The following GANC variants were observed in gnomAD, a reference collection of about 807,000 sequenced individuals.
GANC encodes the protein glucosidase alpha, neutral C, also known as neutral alpha-glucosidase C.
GANC carries 117 observed loss-of-function variants against 124.2 expected under a neutral mutation model. That is an observed-to-expected ratio of 0.94 (90% confidence interval 0.81 to 1.10). The LOEUF (loss-of-function observed/expected upper bound fraction) is 1.10. GANC is among the 50% of genes least tolerant of loss of function. GANC has a pLI of 0.00. For missense variants in GANC, 1,140 were observed against 1,095.0 expected (o/e 1.04, Z -0.58); for synonymous variants, 377 against 376.8 (o/e 1.00, Z -0.01).
rs1408917392 is a variant in GANC at position 42,326,297 on chromosome 15, G to C, written c.1294-1G>C. ...ACCTCCAAACCTTCATGTCCTGACA[G>C]CTTGTGGTCATCAGTGATCCCCACA... On this transcript the variant is annotated splice_acceptor_variant, in intron 11 of 23. Coordinates refer to ENST00000318010, the MANE Select transcript of GANC (RefSeq NM_198141.3). LOFTEE classifies it high-confidence loss of function. 4.4e-6 allele frequency: 7 copies of C among 1,600,468 alleles called. No homozygotes were observed. Among genetic ancestry groups the C allele is most frequent in the Admixed American group, 3.3e-5 (2 of 59,944 alleles).
intron 11 of GANC, among the ~76,000 whole-genome samples, chr15:42,324,807 G>A (rs2052185758): frequency 6.6e-6 from 1 of 152,176 alleles, no homozygotes; most frequent in Non-Finnish European, 1.5e-5. Flanking sequence ...AGGAGGGAAT[G>A]AGAAATCATC....
intron 6 of GANC, among the ~76,000 whole-genome samples, chr15:42,298,382 G>A (rs566642073): frequency 6.6e-6 from 1 of 152,186 alleles, no homozygotes; most frequent in East Asian, 1.9e-4. Flanking sequence ...ACAATTATTT[G>A]TTAAGTACCT....
Position 42,338,463 on chromosome 15 carries a change from A to G in GANC, c.1816A>G (p.Ser606Gly). Residue 606 changes from serine to glycine, a missense_variant, in exon 16 of 24, where the codon AGC becomes GGC. Ser to Gly is a moderately conservative substitution (Grantham distance 56, BLOSUM62 0). Coordinates refer to ENST00000318010, the MANE Select transcript of GANC (RefSeq NM_198141.3). ...KISIPMLLTL[S>G]ITGISFCGAD... ...TTCTATCCCAATGTTACTCACTCTCAGCATTACTGGGATCTCTTTTTGCGG... is the reference window on the plus strand; with the variant it reads ...TTCTATCCCAATGTTACTCACTCTCGGCATTACTGGGATCTCTTTTTGCGG... The G allele has an allele frequency of 6.2e-7, 1 of 1,613,870 alleles. No individual in the cohort carries two copies. Among genetic ancestry groups the G allele is most frequent in the Non-Finnish European group, 8.5e-7 (1 of 1,179,748 alleles).
rs757823513 is a variant in GANC, at chr15:42,278,639, T to A, written c.201+49T>A. On this transcript the variant is annotated intron_variant, in intron 3 of 23. Transcript: ENST00000318010. ...GAGAATAATTTGTTTCTGTATTTAT[T>A]GGGCCTGAATGAAGTAAATTAAAGC... 2.3e-6 allele frequency: 3 copies of A among 1,304,856 alleles called. No homozygotes were observed. In the South Asian group the frequency reaches 3.7e-5, roughly 16 times the overall value. 80.8% of individuals were successfully genotyped at this position (1,304,856 alleles called of 1,614,324 possible). A position where few individuals can be genotyped will look rare whatever the true frequency, so the allele number is the denominator to read the frequency against.
chr15:42,283,848 A>C, intron 3 of GANC: 2 of 702,640 alleles, frequency 2.8e-6, no homozygotes, highest in Non-Finnish European at 5.2e-6. Context: ...CTGGCCAGAC[A>C]ATCAGAAGCA....
chr15:42,277,256 C>T (rs568420668), intron 2 of GANC, among the ~76,000 whole-genome samples: 6 of 152,234 alleles, frequency 3.9e-5, no homozygotes, highest in South Asian at 4.1e-4. Context: ...CCTGGCTGGG[C>T]GAGGTGGCTC....
At chr15:42,279,603 CTG>C (rs1348663418) in intron 3 of GANC, among the ~76,000 whole-genome samples, 6 of 152,116 alleles carry the variant, frequency 3.9e-5, no homozygotes, top group Admixed American at 1.3e-4. Flanking sequence ...GGAAGTGTGA[CTG>C]TGCACTACTG....
chr15:42,281,356 C>G (rs1026950342), intron 3 of GANC, among the ~76,000 whole-genome samples: 2 of 152,166 alleles, frequency 1.3e-5, no homozygotes, highest in Non-Finnish European at 2.9e-5. Flanking sequence ...CTAATGTTGC[C>G]TGCATCTTAT....
chr15:42,319,944 G>A (rs906745970), intron 10 of GANC, among the ~76,000 whole-genome samples: 6 of 152,118 alleles, frequency 3.9e-5, no homozygotes, highest in Non-Finnish European at 7.4e-5. Context: ...CAGCACTTTG[G>A]GGAGCCAAGA....
intron 3 of GANC, among the ~76,000 whole-genome samples, chr15:42,285,598 C>A (rs2051779286): frequency 6.6e-6 from 1 of 152,028 alleles, no homozygotes; most frequent in African/African-American, 2.4e-5. Flanking sequence ...AGTTTGAGAC[C>A]AGCCTGGTCA....
intron 15 of GANC, among the ~76,000 whole-genome samples, chr15:42,332,055 G>T (rs754046900): frequency 6.6e-6 from 1 of 152,012 alleles, no homozygotes; most frequent in Non-Finnish European, 1.5e-5. Flanking sequence ...TACTAGGAAC[G>T]TTTAAATTAT....
chr15:42,279,581 T>C (rs1026429998), intron 3 of GANC, among the ~76,000 whole-genome samples: 1 of 152,198 alleles, frequency 6.6e-6, no homozygotes, highest in African/African-American at 2.4e-5. Context: ...GGAAGCACTA[T>C]GGGCTGTGCT....
intron 3 of GANC, chr15:42,281,126 A>G (rs970485836): frequency 1.4e-6 from 1 of 702,320 alleles, no homozygotes; most frequent in Non-Finnish European, 2.6e-6. Flanking sequence ...AACAAACTCC[A>G]TGCTCAGGTA....
At chr15:42,301,439 C>T (rs1335090287) in intron 6 of GANC, among the ~76,000 whole-genome samples, 5 of 151,898 alleles carry the variant, frequency 3.3e-5, no homozygotes, top group East Asian at 1.9e-4. Context: ...GGGCAGACAC[C>T]GAGCTAGCTG....
chr15:42,305,997 A>T (rs1433902024), intron 6 of GANC, among the ~76,000 whole-genome samples: 3 of 150,182 alleles, frequency 2.0e-5, no homozygotes, highest in African/African-American at 7.3e-5. Context: ...AATGTAGATG[A>T]TGGGTTGATG....
At chr15:42,318,061 A>T (rs1447497543) in intron 10 of GANC, among the ~76,000 whole-genome samples, 1 of 152,206 alleles carries the variant, frequency 6.6e-6, no homozygotes, top group Non-Finnish European at 1.5e-5. Flanking sequence ...CTGTTACTTT[A>T]TCCAGTCTAC....
At chr15:42,325,619 AC>A (rs1355495276) in intron 11 of GANC, among the ~76,000 whole-genome samples, 1 of 151,274 alleles carries the variant, frequency 6.6e-6, no homozygotes, top group African/African-American at 2.4e-5. Context: ...GGGAGCAGGT[AC>A]CCTGCCTACT....
intron 2 of GANC, among the ~76,000 whole-genome samples, chr15:42,277,417 C>T (rs1389294320): frequency 6.6e-6 from 1 of 151,432 alleles, no homozygotes; most frequent in Non-Finnish European, 1.5e-5. Context: ...GTAATCCCAG[C>T]TACTTGGGAG....
At chr15:42,283,408 C>T (rs970183963) in intron 3 of GANC, among the ~76,000 whole-genome samples, 13 of 152,228 alleles carry the variant, frequency 8.5e-5, no homozygotes, top group Admixed American at 2.0e-4. Context: ...AGTTTTCTAT[C>T]GTCAGTGAAA....
Sources: gnomAD v4.1 joint callset for allele counts (sites outside exome capture counted in the v4.1 genomes callset) on GRCh38, gnomAD v4.1.1 for gene constraint, MANE v1.5 for transcripts, NCBI Gene and HGNC (gene_info 2026-07-23, HGNC 2026-07-21) for gene names.